The following ASTN2 variants were observed in gnomAD, a reference collection of about 807,000 sequenced individuals.
The protein encoded by ASTN2 is astrotactin-2.
In ASTN2, 54 loss-of-function variants were observed where a neutral mutation model predicts 139.8. That is an observed-to-expected ratio of 0.39 (90% confidence interval 0.31 to 0.48). ASTN2 has a LOEUF of 0.48. Among genes scored for constraint, ASTN2 ranks in the 20% least tolerant of loss-of-function variants. ASTN2 has a pLI of 0.95. For synonymous variants in ASTN2, 756 were observed against 719.5 expected (o/e 1.05, Z -0.81); for missense variants, 1,565 against 1,725.1 (o/e 0.91, Z 1.64).
intron 12 of ASTN2, among the ~76,000 whole-genome samples, chr9:116,806,959 C>T (rs889579006): frequency 1.3e-5 from 2 of 152,018 alleles, no homozygotes; most frequent in African/African-American, 4.8e-5. Context: ...TACACATAAG[C>T]AAAATAAGGA....
chr9:117,188,435 T>C (rs774337571), intron 3 of ASTN2, among the ~76,000 whole-genome samples: 2 of 151,642 alleles, frequency 1.3e-5, no homozygotes, highest in Non-Finnish European at 2.9e-5. Flanking sequence ...TGGAGGAGAG[T>C]GAGATGAGGA....
intron 19 of ASTN2, among the ~76,000 whole-genome samples, chr9:116,557,167 T>TG (rs1272610464): frequency 7.6e-6 from 1 of 131,746 alleles, no homozygotes; most frequent in Non-Finnish European, 1.5e-5. Context: ...GAACTTGCAG[T>TG]GAGCTGATAT....
intron 3 of ASTN2, among the ~76,000 whole-genome samples, chr9:117,172,260 G>C (rs751007495): frequency 4.6e-5 from 7 of 152,208 alleles, no homozygotes; most frequent in Non-Finnish European, 7.4e-5. Context: ...CTGTAGAATA[G>C]GCATATGCTG....
At chr9:116,654,795 T>C (rs1858115371) in intron 16 of ASTN2, among the ~76,000 whole-genome samples, 1 of 152,226 alleles carries the variant, frequency 6.6e-6, no homozygotes, top group Non-Finnish European at 1.5e-5. Flanking sequence ...TATATGCACA[T>C]AATTTCACTG....
intron 16 of ASTN2, chr9:116,697,759 C>T (rs763454337): frequency 1.2e-6 from 2 of 1,614,110 alleles, no homozygotes; most frequent in Non-Finnish European, 1.7e-6. Flanking sequence ...GCAGCAGCAG[C>T]TTCTCACCTG....
At chr9:116,722,894 T>A (rs10983323) in intron 16 of ASTN2, among the ~76,000 whole-genome samples, 6 of 152,100 alleles carry the variant, frequency 3.9e-5, no homozygotes, top group Middle Eastern at 3.4e-3. Flanking sequence ...GGCTGGGCGC[T>A]GTGGCTTACG....
intron 2 of ASTN2, among the ~76,000 whole-genome samples, chr9:117,217,647 A>C (rs1456048521): frequency 1.3e-5 from 2 of 152,228 alleles, no homozygotes; most frequent in African/African-American, 4.8e-5. Flanking sequence ...GGATTAAACA[A>C]GGACAAGAGT....
intron 11 of ASTN2, among the ~76,000 whole-genome samples, chr9:116,857,474 T>G (rs1279284137): frequency 6.6e-6 from 1 of 152,180 alleles, no homozygotes; most frequent in African/African-American, 2.4e-5. Flanking sequence ...ACTCTTGTGG[T>G]GTTTTGCTCC....
At chr9:117,070,634 C>G in intron 5 of ASTN2, among the ~76,000 whole-genome samples, 1 of 144,900 alleles carries the variant, frequency 6.9e-6, no homozygotes, top group Non-Finnish European at 1.5e-5. Flanking sequence ...CTCCCCATCA[C>G]TTTCAGGTAC....
intron 10 of ASTN2, among the ~76,000 whole-genome samples, chr9:116,944,535 G>T (rs148272924): frequency 0.02 from 3,059 of 151,986 alleles, 52 homozygotes; most frequent in Non-Finnish European, 0.03. Context: ...ACAAAAATTG[G>T]CTGGGCATGG....
At chr9:116,601,551 T>C (rs1854900513) in intron 19 of ASTN2, among the ~76,000 whole-genome samples, 1 of 152,016 alleles carries the variant, frequency 6.6e-6, no homozygotes, top group Non-Finnish European at 1.5e-5. Flanking sequence ...GCAACGGAAA[T>C]AAAAAGAAAG....
At chr9:117,091,976 G>C (rs1049995375) in intron 5 of ASTN2, among the ~76,000 whole-genome samples, 12 of 152,172 alleles carry the variant, frequency 7.9e-5, no homozygotes, top group African/African-American at 1.2e-4. Context: ...GATGGCAGCA[G>C]TAGAGAAGGG....
chr9:117,024,691 C>T (rs931723180), intron 6 of ASTN2, among the ~76,000 whole-genome samples: 6 of 152,074 alleles, frequency 3.9e-5, no homozygotes, highest in Admixed American at 6.5e-5. Context: ...TTCCTACAAA[C>T]GGTCACACTT....
chr9:116,862,412 G>A (rs963501333), intron 11 of ASTN2, among the ~76,000 whole-genome samples: 2 of 152,246 alleles, frequency 1.3e-5, no homozygotes, highest in Non-Finnish European at 2.9e-5. Context: ...GTGCTATAAC[G>A]TGTCACAGGT....
At chr9:116,646,150 G>A (rs1245238024) in intron 17 of ASTN2, among the ~76,000 whole-genome samples, 1 of 152,270 alleles carries the variant, frequency 6.6e-6, no homozygotes, top group East Asian at 1.9e-4. Flanking sequence ...AACCCAAGCC[G>A]GTAGAGCAAA....
chr9:116,964,475 A>G (rs1835960499), intron 10 of ASTN2, among the ~76,000 whole-genome samples: 1 of 152,308 alleles, frequency 6.6e-6, no homozygotes, highest in African/African-American at 2.4e-5. Context: ...GAGGCTTTCC[A>G]GGAAACAACA....
At chr9:116,733,593 G>T in intron 13 of ASTN2, 70 bp from the exon 14 acceptor site, 1 of 1,591,652 alleles carries the variant, frequency 6.3e-7, no homozygotes, top group Non-Finnish European at 8.6e-7. Flanking sequence ...GGGCAAGGAG[G>T]CAGGATGCTG....
rs191991378 is a variant in ASTN2, at chr9:116,924,329, C to T, written c.1889+50879G>A. On this transcript the variant is annotated intron_variant, in intron 10 of 22. Transcript: ENST00000313400. The stretch of plus-strand genomic sequence containing the variant: ...CCTGTAATCCCAGCTACTCAGGTGG[C>T]TGAGGCAGGAGACTTGCTTGAACCC... Among the ~76,000 whole-genome samples, 6 of 149,304 alleles carry T rather than the reference C, an allele frequency of 4.0e-5. No homozygotes were observed. In the Admixed American group the frequency reaches 4.0e-4, roughly 10 times the overall value.
At chr9:117,264,092 A>C (rs1015133215) in intron 2 of ASTN2, among the ~76,000 whole-genome samples, 1 of 152,176 alleles carries the variant, frequency 6.6e-6, no homozygotes, top group Non-Finnish European at 1.5e-5. Flanking sequence ...AGAAATCTAA[A>C]TTGAAAAAAA....
Sources: gnomAD v4.1 joint callset for allele counts (sites outside exome capture counted in the v4.1 genomes callset) on GRCh38, gnomAD v4.1.1 for gene constraint, MANE v1.5 for transcripts, NCBI Gene and HGNC (gene_info 2026-07-23, HGNC 2026-07-21) for gene names.